Variants in SPECC1 observed in about 807,000 individuals in gnomAD.
SPECC1 encodes cytospin-B.
SPECC1 carries 62 observed loss-of-function variants against 104.1 expected under a neutral mutation model. That is an observed-to-expected ratio of 0.60 (90% CI 0.49 to 0.74). SPECC1 has a LOEUF of 0.74. Ranked by LOEUF, SPECC1 falls within the 30% of genes least tolerant of loss-of-function variation. The pLI, the probability that SPECC1 is intolerant of heterozygous loss-of-function variation, is 0.00. For missense variants in SPECC1, 1,306 were observed against 1,310.5 expected (o/e 1.00, Z 0.05); for synonymous variants, 513 against 501.6 (o/e 1.02, Z -0.30).
chr17:20,098,207 C>G (rs1437870701), intron 2 of SPECC1, among the ~76,000 whole-genome samples: 1 of 152,176 alleles, frequency 6.6e-6, no homozygotes, highest in African/African-American at 2.4e-5. Context: ...CCTGCTCCCC[C>G]AAATCTTCCC....
chr17:20,162,780 C>G (rs1302361800), intron 3 of SPECC1, among the ~76,000 whole-genome samples: 1 of 152,184 alleles, frequency 6.6e-6, no homozygotes, highest in African/African-American at 2.4e-5. Context: ...GTAATCGCAG[C>G]ACTTTGGGAG....
rs1468865745 is a variant in SPECC1 at position 20,295,170 on chromosome 17, CT to C, written c.2941-1790del. Among the ~76,000 whole-genome samples the C allele has an allele frequency of 5.3e-5, 6 of 114,138 alleles. No homozygotes were observed. In the East Asian group the frequency reaches 1.9e-3, roughly 37 times the overall value. 74.9% of individuals were successfully genotyped at this position (114,138 alleles called of 152,430 possible). On this transcript the variant is annotated intron_variant, in intron 12 of 14. Transcript: ENST00000395527. ...TATCTCCTAATGCTATCCCTCCCCC[CT>C]CCCCCCACCCCATGACAGGCCCCGG...
chr17:20,130,981 G>A (rs2049589522), intron 3 of SPECC1, among the ~76,000 whole-genome samples: 1 of 152,128 alleles, frequency 6.6e-6, no homozygotes, highest in Admixed American at 6.5e-5. Context: ...TTATTTTTGA[G>A]GAATTGTAAA....
Position 20,315,711 on chromosome 17 carries a change from T to C in SPECC1, c.*1646T>C, listed in dbSNP as rs928044405. 1 of 232,254 alleles carries C rather than the reference T, an allele frequency of 4.3e-6. No individual in the cohort carries two copies. The highest frequency in any genetic ancestry group is 5.6e-5 in the Admixed American group (1 of 17,768). The allele number at this position is 232,254 out of a possible 1,614,324, so 14.4% of individuals were successfully genotyped here. A position where few individuals can be genotyped will look rare whatever the true frequency, so the allele number is the denominator to read the frequency against. On this transcript the variant is annotated 3_prime_UTR_variant, in exon 15 of 15. Transcript: ENST00000395527. The stretch of plus-strand genomic sequence containing the variant: ...CATTCCTGGAGAGGTAGGAGCTCAG[T>C]CCCTTCCTCCAAGCCAGACCTTTGC...
chr17:20,159,098 C>T (rs2032893808), intron 3 of SPECC1, among the ~76,000 whole-genome samples: 1 of 152,026 alleles, frequency 6.6e-6, no homozygotes, highest in Non-Finnish European at 1.5e-5. Context: ...GTGTGCACCA[C>T]TATGCCCGCC....
intron 1 of SPECC1, among the ~76,000 whole-genome samples, chr17:20,042,799 A>C (rs976172587): frequency 6.6e-6 from 1 of 152,104 alleles, no homozygotes; most frequent in Non-Finnish European, 1.5e-5. Flanking sequence ...AGTCTGAGAT[A>C]ATGAAGCAAA....
chr17:20,217,481 T>G (rs2037572601), intron 4 of SPECC1, among the ~76,000 whole-genome samples: 1 of 152,148 alleles, frequency 6.6e-6, no homozygotes, highest in South Asian at 2.1e-4. Context: ...AAGCAGAGGC[T>G]TTGCTCAGGG....
intron 1 of SPECC1, among the ~76,000 whole-genome samples, chr17:20,059,924 G>T (rs1192951129): frequency 4.6e-5 from 7 of 152,172 alleles, no homozygotes; most frequent in Non-Finnish European, 7.3e-5. Context: ...CTTGCAAAGA[G>T]GTTTCATTCG....
In SPECC1 at chr17:20,318,504, TCTTC is replaced by T. The variant is rs2042067178; in HGVS notation, c.*4441_*4444del. ...GCGGTGAGGAATCTCTGCCATGTTC[TCTTC>T]CCTGCTGCCCACAAACGTTACGGAG... is the stretch of plus-strand genomic sequence containing the variant. On this transcript the variant is annotated 3_prime_UTR_variant, in exon 15 of 15. Transcript: ENST00000395527. The T allele has an allele frequency of 4.3e-6, 1 of 231,608 alleles. No individual in the cohort carries two copies. Among genetic ancestry groups the T allele is most frequent in the African/African-American group, 2.2e-5 (1 of 45,228 alleles). 14.3% of individuals were successfully genotyped at this position (231,608 alleles called of 1,614,324 possible).
intron 3 of SPECC1, among the ~76,000 whole-genome samples, chr17:20,185,605 T>TA (rs1348689356): frequency 6.6e-6 from 1 of 152,186 alleles, no homozygotes; most frequent in African/African-American, 2.4e-5. Context: ...ACGGTTGTGT[T>TA]AAGTGATGAG....
chr17:20,011,566 AG>A lies in SPECC1; in HGVS notation c.-22+2143del, dbSNP rs571445986. On this transcript the variant is annotated intron_variant, in intron 1 of 14. Coordinates refer to ENST00000395527, the MANE Select transcript of SPECC1 (RefSeq NM_001243439.2). ...ATGATTATTTTATTAATCCTTTCAA[AG>A]AACCAGCTTTTATTAACCAGGATTT... 5.3e-3 allele frequency among the ~76,000 whole-genome samples: 804 copies of A among 152,128 alleles called. 4 individuals carry two copies. Among genetic ancestry groups the A allele is most frequent in the African/African-American group, 0.018 (764 of 41,500 alleles).
intron 12 of SPECC1, among the ~76,000 whole-genome samples, chr17:20,285,802 T>C (rs1268877738): frequency 1.3e-5 from 2 of 148,166 alleles, no homozygotes; most frequent in East Asian, 2.0e-4. Context: ...TCCCTCCCTT[T>C]CTTTCTTCCT....
intron 1 of SPECC1, among the ~76,000 whole-genome samples, chr17:20,089,482 G>A (rs959540512): frequency 2.0e-5 from 3 of 151,754 alleles, no homozygotes; most frequent in Admixed American, 2.0e-4. Context: ...AAAAAAATTA[G>A]CCAGGCGTGG....
chr17:20,236,994 C>T (rs1478673437), intron 7 of SPECC1: 10 of 1,562,622 alleles, frequency 6.4e-6, no homozygotes, highest in Non-Finnish European at 8.6e-6. Flanking sequence ...TTATAAAGAG[C>T]CCAGTTGTCT....
At chr17:20,251,751 T>C (rs970118929) in intron 9 of SPECC1, among the ~76,000 whole-genome samples, 11 of 152,252 alleles carry the variant, frequency 7.2e-5, no homozygotes, top group Non-Finnish European at 1.6e-4. Flanking sequence ...ATCTACTGAA[T>C]GCTTACTATC....
At chr17:20,157,566 ACAT>A (rs1470980295) in intron 3 of SPECC1, among the ~76,000 whole-genome samples, 1 of 152,202 alleles carries the variant, frequency 6.6e-6, no homozygotes, top group African/African-American at 2.4e-5. Flanking sequence ...CTCATTAGTT[ACAT>A]GCTTGTCCAG....
At position 20,146,171 on chromosome 17, in the gene SPECC1, G is replaced by A. The variant is rs536020287; in HGVS notation, c.283+35609G>A. 2.0e-5 allele frequency among the ~76,000 whole-genome samples: 3 copies of A among 152,294 alleles called. No homozygotes were observed. In the East Asian group the frequency reaches 5.8e-4, roughly 29 times the overall value. On this transcript the variant is annotated intron_variant, in intron 3 of 14. Transcript: ENST00000395527. ...ATCCACCATTACAGAGTCATACAGA[G>A]TAGTTTCCCTGCCCTAAAAATCGCC...
At chr17:20,268,199 G>T (rs772886935) in intron 12 of SPECC1, among the ~76,000 whole-genome samples, 2 of 152,184 alleles carry the variant, frequency 1.3e-5, no homozygotes, top group Non-Finnish European at 2.9e-5. Flanking sequence ...CAAGAATTCA[G>T]ATAGCAGGCG....
intron 4 of SPECC1, among the ~76,000 whole-genome samples, chr17:20,223,463 C>G (rs1404943209): frequency 6.6e-6 from 1 of 151,962 alleles, no homozygotes. Context: ...ATCACGAGGT[C>G]AGGAGTTTGA....
Sources: allele counts gnomAD v4.1 joint callset (sites outside exome capture counted in the v4.1 genomes callset), GRCh38; gene constraint gnomAD v4.1.1; transcripts MANE v1.5; gene names NCBI Gene and HGNC (gene_info 2026-07-23, HGNC 2026-07-21).